Variants in RTN4 observed in about 807,000 individuals in gnomAD.
RTN4 encodes the protein reticulon 4, also known as reticulon-4.
In RTN4, 32 loss-of-function variants were observed where a neutral mutation model predicts 90.4. The ratio of observed to expected loss-of-function variants is 0.35; its 90% CI spans 0.27 to 0.48. The LOEUF is 0.48. RTN4 is among the 20% of genes least tolerant of loss of function. RTN4 has a pLI of 0.99. For missense variants in RTN4, 1,706 were observed against 1,430.2 expected (o/e 1.19, Z -3.11); for synonymous variants, 629 against 552.5 (o/e 1.14, Z -1.94).
chr2:55,002,203 C>G (rs13394823), intron 3 of RTN4, among the ~76,000 whole-genome samples: 1 of 151,898 alleles, frequency 6.6e-6, no homozygotes, highest in South Asian at 2.1e-4. Context: ...GGACCATAGG[C>G]GTGCACCACC....
chr2:55,089,492 C>T (rs552254092), intron 1 of RTN4, among the ~76,000 whole-genome samples: 1 of 152,310 alleles, frequency 6.6e-6, no homozygotes, highest in South Asian at 2.1e-4. Flanking sequence ...TTGGTCAGCC[C>T]AGCCACTTTC....
intron 4 of RTN4, among the ~76,000 whole-genome samples, chr2:54,985,867 C>G (rs1461779459): frequency 6.6e-6 from 1 of 152,210 alleles, no homozygotes; most frequent in Non-Finnish European, 1.5e-5. Context: ...TTTGTTTCCC[C>G]TACTTTCAAG....
chr2:55,007,708 A>C lies in RTN4; in HGVS notation c.3013+17378T>G, dbSNP rs564166041. Among the ~76,000 whole-genome samples, 9 of 152,262 alleles carry C rather than the reference A, an allele frequency of 5.9e-5. No homozygotes were observed. The East Asian group carries it at 1.5e-3, about 26-fold the overall frequency. On this transcript the variant is annotated intron_variant, in intron 3 of 8. Transcript: ENST00000337526. ...ATCTGATTTGGTAGGTCACGACCCA[A>C]GGAATCTGCATTTTTAAGAAGCACT... is the stretch of plus-strand genomic sequence containing the variant.
At chr2:55,055,630 C>T (rs1229730804), upstream of RTN4, among the ~76,000 whole-genome samples, 3 of 151,868 alleles carry the variant, frequency 2.0e-5, no homozygotes, top group Non-Finnish European at 4.4e-5. Context: ...ATTAGCCAGG[C>T]GTGGTGGCGG....
intron 3 of RTN4, among the ~76,000 whole-genome samples, chr2:55,020,663 A>G (rs568996945): frequency 9.8e-5 from 15 of 152,308 alleles, no homozygotes; most frequent in African/African-American, 3.4e-4. Context: ...TGCAAAATCA[A>G]TCTTTCTTCC....
At chr2:55,057,439 A>G (rs1464627140) in intron 2 of RTN4, among the ~76,000 whole-genome samples, 1 of 152,240 alleles carries the variant, frequency 6.6e-6, no homozygotes, top group Non-Finnish European at 1.5e-5. Flanking sequence ...AGCAAATTGT[A>G]TAAGGAAAGC....
intron 1 of RTN4, chr2:55,080,750 C>T (rs1668696426): frequency 2.0e-5 from 3 of 152,274 alleles, no homozygotes; most frequent in South Asian, 4.1e-4. Flanking sequence ...GGCATATGAC[C>T]CTTCTGTCTT....
chr2:54,988,947 C>T (rs1168406928), intron 3 of RTN4, among the ~76,000 whole-genome samples: 2 of 152,154 alleles, frequency 1.3e-5, no homozygotes, highest in Admixed American at 6.5e-5. Flanking sequence ...ATTAATCTCT[C>T]TCTGAACTGT....
chr2:55,087,090 A>G (rs1211238184), intron 1 of RTN4, among the ~76,000 whole-genome samples: 1 of 152,176 alleles, frequency 6.6e-6, no homozygotes, highest in Non-Finnish European at 1.5e-5. Context: ...GTAGCATTCT[A>G]TTGTATAATG....
intron 2 of RTN4, among the ~76,000 whole-genome samples, chr2:55,079,713 C>G (rs1668674565): frequency 6.6e-6 from 1 of 152,174 alleles, no homozygotes. Flanking sequence ...CTCCAGGTAT[C>G]AGATCATGGG....
intron 1 of RTN4, among the ~76,000 whole-genome samples, chr2:55,091,211 C>A (rs148724778): frequency 1.3e-5 from 2 of 152,140 alleles, no homozygotes; most frequent in Admixed American, 1.3e-4. Context: ...TTCATGGCTT[C>A]CCATTGCAAT....
chr2:54,978,432 A>AG (rs1491102004), intron 5 of RTN4, among the ~76,000 whole-genome samples: 2 of 29,488 alleles, frequency 6.8e-5, no homozygotes, highest in Admixed American at 3.2e-4. Context: ...CTCTATCTCC[A>AG]AAAAAAAAAA....
chr2:55,006,054 G>T (rs12989576), intron 3 of RTN4, among the ~76,000 whole-genome samples: 1 of 151,934 alleles, frequency 6.6e-6, no homozygotes, highest in Non-Finnish European at 1.5e-5. Context: ...TTAAAATAGC[G>T]TACAGTATTT....
chr2:55,075,640 T>C (rs899978468), intron 2 of RTN4, among the ~76,000 whole-genome samples: 1 of 152,078 alleles, frequency 6.6e-6, no homozygotes, highest in Non-Finnish European at 1.5e-5. Flanking sequence ...CAAATCAAGA[T>C]TAAGCAAAAA....
intron 3 of RTN4, among the ~76,000 whole-genome samples, chr2:55,000,030 C>T (rs1420307929): frequency 1.3e-5 from 2 of 152,022 alleles, no homozygotes; most frequent in African/African-American, 4.8e-5. Context: ...AATACCCACC[C>T]CTAAGAAATT....
chr2:55,093,281 A>G (rs1445988811), intron 1 of RTN4, among the ~76,000 whole-genome samples: 7 of 152,080 alleles, frequency 4.6e-5, no homozygotes, highest in East Asian at 1.9e-4. Context: ...ATACAACTGA[A>G]ATGCTGTTGA....
upstream of RTN4, among the ~76,000 whole-genome samples, chr2:55,055,631 G>A (rs111241381): frequency 8.2e-4 from 124 of 152,112 alleles, 1 homozygote; most frequent in African/African-American, 2.8e-3. Context: ...TTAGCCAGGC[G>A]TGGTGGCGGG....
intron 2 of RTN4, among the ~76,000 whole-genome samples, chr2:55,058,311 C>T (rs1039524726): frequency 3.3e-5 from 5 of 152,132 alleles, no homozygotes; most frequent in African/African-American, 9.7e-5. Flanking sequence ...AAGCTCCCCA[C>T]GGATCTTACC....
At chr2:55,045,174 T>C (rs1038123292) in intron 1 of RTN4, among the ~76,000 whole-genome samples, 5 of 152,352 alleles carry the variant, frequency 3.3e-5, no homozygotes, top group African/African-American at 1.2e-4. Context: ...ATAATCTGTA[T>C]TTATGAGCAA....
Sources: allele counts gnomAD v4.1 joint callset (sites outside exome capture counted in the v4.1 genomes callset), GRCh38; gene constraint gnomAD v4.1.1; transcripts MANE v1.5; gene names NCBI Gene and HGNC (gene_info 2026-07-23, HGNC 2026-07-21).